TBC1D2B: variants seen among roughly 807,000 people sequenced by gnomAD.
TBC1D2B encodes TBC1 domain family, member 2B.
A neutral mutation model predicts 100.8 loss-of-function variants in TBC1D2B; 64 were observed. The ratio of observed to expected loss-of-function variants is 0.64; its 90% CI spans 0.52 to 0.78. The LOEUF is 0.78. Among genes scored for constraint, TBC1D2B ranks in the 30% least tolerant of loss-of-function variants. TBC1D2B has a pLI of 0.00. For missense variants in TBC1D2B, 1,052 were observed against 1,218.4 expected (o/e 0.86, Z 2.03); for synonymous variants, 480 against 479.7 (o/e 1.00, Z -0.01).
At position 78,003,205 on chromosome 15, in the gene TBC1D2B, C is replaced by A. The variant is rs550799341; in HGVS notation, c.2574+100G>T. 6.0e-5 allele frequency: 63 copies of A among 1,053,862 alleles called. 1 individual carries two copies. In the African/African-American group the frequency reaches 7.5e-4, roughly 13 times the overall value. The allele number at this position is 1,053,862 out of a possible 1,614,324, so 65.3% of individuals were successfully genotyped here. On this transcript the variant is annotated intron_variant, in intron 11 of 12. Coordinates refer to ENST00000300584, the MANE Select transcript of TBC1D2B (RefSeq NM_144572.2). ...GAGATCCCTTGGGCACCATGGTAAC[C>A]CTCATAAGTTCCAGGTGAGCCAGCC... is the stretch of plus-strand genomic sequence containing the variant.
At chr15:78,001,009 AGT>A (rs1326340082) in intron 12 of TBC1D2B, among the ~76,000 whole-genome samples, 3 of 152,200 alleles carry the variant, frequency 2.0e-5, no homozygotes, top group Admixed American at 6.5e-5. Flanking sequence ...TGAAGCCTCA[AGT>A]CCTGAGAGAA....
intron 3 of TBC1D2B, among the ~76,000 whole-genome samples, chr15:78,033,681 A>G (rs2072874968): frequency 6.6e-6 from 1 of 152,236 alleles, no homozygotes; most frequent in Admixed American, 6.5e-5. Flanking sequence ...AAGTTATTAA[A>G]ATAAACATGC....
chr15:78,068,383 C>CCACACCCACACACACACA (rs1555422890), intron 1 of TBC1D2B, among the ~76,000 whole-genome samples: 1 of 143,012 alleles, frequency 7.0e-6, no homozygotes, highest in African/African-American at 2.6e-5. Flanking sequence ...CACACCACAC[C>CCACACCCACACACACACA]CACACACACA....
At chr15:78,012,132 G>A (rs2072247359) in intron 9 of TBC1D2B, among the ~76,000 whole-genome samples, 1 of 152,164 alleles carries the variant, frequency 6.6e-6, no homozygotes, top group Non-Finnish European at 1.5e-5. Context: ...AAATATAAAT[G>A]GACAACTGCA....
intron 1 of TBC1D2B, among the ~76,000 whole-genome samples, chr15:78,068,134 A>G (rs1361092798): frequency 6.6e-6 from 1 of 152,240 alleles, no homozygotes; most frequent in African/African-American, 2.4e-5. Flanking sequence ...TCAGTGCTGA[A>G]TACTACAGAC....
rs1172320073 is a variant in TBC1D2B, at chr15:77,995,003, T to TTTA, written c.*3154_*3156dup. On this transcript the variant is annotated 3_prime_UTR_variant, in exon 13 of 13. Transcript: ENST00000300584. The stretch of plus-strand genomic sequence containing the variant: ...TGCAGAATATTATACAAATTAGTAG[T>TTTA]TTATTTCTTCCTTTAGTATTACAGT... 6.6e-6 allele frequency: 1 copy of TTTA among 152,254 alleles called. No individual in the cohort carries two copies. Among genetic ancestry groups the TTTA allele is most frequent in the African/African-American group, 2.4e-5 (1 of 41,466 alleles). 9.4% of individuals were successfully genotyped at this position (152,254 alleles called of 1,614,324 possible).
At chr15:78,034,526 G>A in intron 3 of TBC1D2B, 5 of 985,436 alleles carry the variant, frequency 5.1e-6, no homozygotes, top group Non-Finnish European at 4.8e-6. Context: ...CCTAAAGGGT[G>A]AATGCAGGAA....
intron 4 of TBC1D2B, among the ~76,000 whole-genome samples, chr15:78,026,584 C>T (rs2072674546): frequency 6.6e-6 from 1 of 152,164 alleles, no homozygotes; most frequent in South Asian, 2.1e-4. Context: ...CTAAGACATG[C>T]ATGTTTTAAA....
chr15:78,016,107 A>C (rs2072366683), intron 8 of TBC1D2B, among the ~76,000 whole-genome samples: 1 of 152,178 alleles, frequency 6.6e-6, no homozygotes, highest in Non-Finnish European at 1.5e-5. Context: ...AGGGTTCTTA[A>C]TCCAAGATCC....
At chr15:78,040,890 G>GAAAGAAAGAAAGATCT (rs1567026312) in intron 3 of TBC1D2B, among the ~76,000 whole-genome samples, 3 of 147,636 alleles carry the variant, frequency 2.0e-5, no homozygotes, top group Non-Finnish European at 4.5e-5. Flanking sequence ...AAGAGAGAGA[G>GAAAGAAAGAAAGATCT]AGAGAAAGAA....
intron 1 of TBC1D2B, among the ~76,000 whole-genome samples, chr15:78,060,302 G>A (rs889696280): frequency 7.9e-5 from 12 of 152,142 alleles, no homozygotes; most frequent in African/African-American, 2.7e-4. Context: ...TGGGAAACAA[G>A]TTTATAATTA....
intron 3 of TBC1D2B, among the ~76,000 whole-genome samples, chr15:78,035,831 G>C (rs1053757241): frequency 1.3e-5 from 2 of 152,300 alleles, no homozygotes; most frequent in South Asian, 4.1e-4. Flanking sequence ...TCCTATAACC[G>C]AATTCTGTTA....
At chr15:78,007,544 G>A (rs1191504673) in intron 10 of TBC1D2B, among the ~76,000 whole-genome samples, 3 of 152,222 alleles carry the variant, frequency 2.0e-5, no homozygotes, top group Admixed American at 2.0e-4. Flanking sequence ...GGGAACAGGA[G>A]GCAATAATGA....
chr15:78,024,262 A>G lies in TBC1D2B; in HGVS notation c.1364T>C (p.Ile455Thr). The change falls in exon 6 of 13, where the codon ATC becomes ACC. Residue 455 changes from isoleucine (I) to threonine (T), a missense_variant. By Grantham distance (89) the Ile-to-Thr change is moderately conservative (BLOSUM62 -1). Transcript: ENST00000300584. ...GTTGCCCTCGCCCTCGCTGAGCTTG[A>G]TGATGACCTCGTCCTTGGCTTGGAT... ...ETIQAKDEVIIKLSEGEGNGP... is the reference protein window; with the variant it reads ...ETIQAKDEVITKLSEGEGNGP... The G allele has an allele frequency of 6.2e-7, 1 of 1,614,012 alleles. No individual in the cohort carries two copies. Among genetic ancestry groups the G allele is most frequent in the Non-Finnish European group, 8.5e-7 (1 of 1,179,900 alleles).
chr15:78,020,062 T>C (rs1178367465), intron 6 of TBC1D2B, among the ~76,000 whole-genome samples: 1 of 152,092 alleles, frequency 6.6e-6, no homozygotes, highest in African/African-American at 2.4e-5. Flanking sequence ...CTAATGTTTT[T>C]TGTAGAGATG....
intron 8 of TBC1D2B, among the ~76,000 whole-genome samples, chr15:78,013,653 T>C (rs570652574): frequency 4.6e-5 from 7 of 152,214 alleles, no homozygotes; most frequent in Admixed American, 1.3e-4. Context: ...TACATTAATA[T>C]ATGTGTATGT....
intron 9 of TBC1D2B, among the ~76,000 whole-genome samples, chr15:78,009,756 C>T (rs1253242089): frequency 2.0e-5 from 3 of 152,104 alleles, no homozygotes; most frequent in East Asian, 1.9e-4. Context: ...GGGCAGATCA[C>T]GAGGTCAGGA....
intron 3 of TBC1D2B, among the ~76,000 whole-genome samples, chr15:78,035,412 A>G (rs1464579124): frequency 6.6e-6 from 1 of 152,242 alleles, no homozygotes; most frequent in African/African-American, 2.4e-5. Flanking sequence ...CCCTCCACAA[A>G]CCGCCTGCAC....
chr15:78,006,206 A>G (rs951397049), intron 10 of TBC1D2B, among the ~76,000 whole-genome samples: 3 of 152,204 alleles, frequency 2.0e-5, no homozygotes, highest in Admixed American at 1.3e-4. Context: ...AAGAAAGATC[A>G]ATGCTTCATT....
Sources: gnomAD v4.1 joint callset for allele counts (sites outside exome capture counted in the v4.1 genomes callset) on GRCh38, gnomAD v4.1.1 for gene constraint, MANE v1.5 for transcripts, NCBI Gene and HGNC (gene_info 2026-07-23, HGNC 2026-07-21) for gene names.